SPAG16: variants seen among roughly 807,000 people sequenced by gnomAD.
SPAG16 encodes the protein sperm-associated antigen 16 protein.
In SPAG16, 86 loss-of-function variants were observed where a neutral mutation model predicts 80.4. The observed-to-expected ratio is 1.07, with a 90% CI of 0.90 to 1.28. SPAG16 has a LOEUF of 1.28. Among genes scored for constraint, SPAG16 ranks in the 50% most tolerant of loss-of-function variants. SPAG16 has a pLI of 0.00. For synonymous variants in SPAG16, 294 were observed against 265.9 expected (o/e 1.11, Z -1.03); for missense variants, 870 against 765.3 (o/e 1.14, Z -1.61).
At chr2:213,375,591 C>T (rs1210352121) in intron 9 of SPAG16, among the ~76,000 whole-genome samples, 1 of 151,784 alleles carries the variant, frequency 6.6e-6, no homozygotes, top group Non-Finnish European at 1.5e-5. Flanking sequence ...AAATCTTTGC[C>T]AGTGATTAAA....
chr2:213,286,097 C>A (rs1040812629), intron 1 of SPAG16, among the ~76,000 whole-genome samples: 1 of 152,162 alleles, frequency 6.6e-6, no homozygotes, highest in Non-Finnish European at 1.5e-5. Context: ...ACTTAATGTG[C>A]AGGGAGATCA....
At chr2:214,101,426 C>T (rs1340800222) in intron 13 of SPAG16, among the ~76,000 whole-genome samples, 3 of 151,936 alleles carry the variant, frequency 2.0e-5, no homozygotes, top group African/African-American at 7.3e-5. Context: ...TTTGTTTCTG[C>T]CAGAGGGAAA....
intron 6 of SPAG16, among the ~76,000 whole-genome samples, chr2:213,344,483 C>G (rs2064862402): frequency 6.6e-6 from 1 of 151,958 alleles, no homozygotes; most frequent in African/African-American, 2.4e-5. Context: ...CACCCATTAA[C>G]TCATCAGTTA....
intron 15 of SPAG16, among the ~76,000 whole-genome samples, chr2:214,339,671 A>G (rs1471951519): frequency 6.6e-6 from 1 of 152,198 alleles, no homozygotes; most frequent in African/African-American, 2.4e-5. Context: ...TTTCCTGCAA[A>G]ATAAACTTCT....
intron 10 of SPAG16, among the ~76,000 whole-genome samples, chr2:213,712,974 G>A (rs1364647579): frequency 6.6e-6 from 1 of 152,072 alleles, no homozygotes; most frequent in African/African-American, 2.4e-5. Context: ...GTTCCACGTG[G>A]TTGGGGAGGC....
intron 12 of SPAG16, among the ~76,000 whole-genome samples, chr2:213,956,930 G>T (rs1230916115): frequency 6.6e-6 from 1 of 151,986 alleles, no homozygotes; most frequent in Non-Finnish European, 1.5e-5. Flanking sequence ...AATTTCCAAT[G>T]ATTTCTAAAT....
intron 10 of SPAG16, among the ~76,000 whole-genome samples, chr2:213,513,865 C>T (rs1335249047): frequency 6.6e-6 from 1 of 152,122 alleles, no homozygotes; most frequent in Non-Finnish European, 1.5e-5. Flanking sequence ...CCATTTGCAG[C>T]AGCAAATGTT....
chr2:213,885,141 CT>C (rs1559552071), intron 11 of SPAG16, among the ~76,000 whole-genome samples: 1 of 152,102 alleles, frequency 6.6e-6, no homozygotes, highest in African/African-American at 2.4e-5. Flanking sequence ...GGTTTCATTT[CT>C]GGATGTTTTT....
chr2:214,040,982 A>G (rs1434906247), intron 13 of SPAG16, among the ~76,000 whole-genome samples: 4 of 151,946 alleles, frequency 2.6e-5, no homozygotes, highest in African/African-American at 9.7e-5. Context: ...AGTAAATTGG[A>G]TCTTCTTTGC....
intron 10 of SPAG16, among the ~76,000 whole-genome samples, chr2:213,506,524 A>G (rs1465631845): frequency 6.6e-6 from 1 of 152,120 alleles, no homozygotes; most frequent in African/African-American, 2.4e-5. Flanking sequence ...TCATTTATGG[A>G]CCACTTTAAC....
At chr2:213,385,269 T>C (rs1365203254) in intron 9 of SPAG16, among the ~76,000 whole-genome samples, 1 of 152,200 alleles carries the variant, frequency 6.6e-6, no homozygotes, top group African/African-American at 2.4e-5. Flanking sequence ...GTTCACTTAG[T>C]TTGGTAATCA....
At chr2:213,956,089 T>C (rs1279998624) in intron 12 of SPAG16, among the ~76,000 whole-genome samples, 10 of 151,088 alleles carry the variant, frequency 6.6e-5, no homozygotes, top group African/African-American at 1.7e-4. Context: ...TCCTGAGTAG[T>C]TGGGATTACG....
intron 13 of SPAG16, among the ~76,000 whole-genome samples, chr2:214,059,204 ATATATATATATG>A (rs2050111376): frequency 1.2e-5 from 1 of 85,520 alleles, no homozygotes; most frequent in Non-Finnish European, 2.3e-5. Context: ...ATATATATAT[ATATATATATATG>A]TATGTGTATA....
chr2:213,297,724 A>G lies in SPAG16; in HGVS notation c.279+367A>G, dbSNP rs990455432. On this transcript the variant is annotated intron_variant, in intron 3 of 15. Transcript: ENST00000331683. ...AACATTTTGTGTTTTTTTACATGAA[A>G]GTATTAATCTTACAGGGAATGCTTA... 2.6e-5 allele frequency among the ~76,000 whole-genome samples: 4 copies of G among 152,256 alleles called. No individual in the cohort carries two copies. In the South Asian group the frequency reaches 6.2e-4, roughly 24 times the overall value.
intron 10 of SPAG16, among the ~76,000 whole-genome samples, chr2:213,660,504 G>C (rs2063383549): frequency 6.6e-6 from 1 of 152,162 alleles, no homozygotes; most frequent in Non-Finnish European, 1.5e-5. Flanking sequence ...TAATGTAAAA[G>C]AGTCTTGGAA....
At position 213,751,224 on chromosome 2, in the gene SPAG16, AG is replaced by A. The variant is rs1222771766; in HGVS notation, c.1071-111258del. 2.6e-5 allele frequency among the ~76,000 whole-genome samples: 4 copies of A among 151,880 alleles called. No homozygotes were observed. The East Asian group carries it at 7.7e-4, about 29-fold the overall frequency. On this transcript the variant is annotated intron_variant, in intron 10 of 15. Coordinates refer to ENST00000331683, the MANE Select transcript of SPAG16 (RefSeq NM_024532.5). ...AGTTGCTGCCTCTACATTTATTTTT[AG>A]GGCTGACATAGTTATTTAAAACCTG... is the stretch of plus-strand genomic sequence containing the variant.
intron 11 of SPAG16, among the ~76,000 whole-genome samples, chr2:213,863,813 C>CT (rs1406316566): frequency 6.6e-6 from 1 of 152,090 alleles, no homozygotes; most frequent in East Asian, 1.9e-4. Flanking sequence ...AGCAATGGTC[C>CT]TTTTAATAGA....
chr2:213,422,214 C>T, intron 9 of SPAG16: 1 of 701,600 alleles, frequency 1.4e-6, no homozygotes. Flanking sequence ...TGCTGTGACA[C>T]CCTCTTTGGG....
At chr2:214,106,666 T>C (rs1249133262) in intron 13 of SPAG16, among the ~76,000 whole-genome samples, 1 of 139,520 alleles carries the variant, frequency 7.2e-6, no homozygotes, top group African/African-American at 2.5e-5. Context: ...GGCATCATGA[T>C]GATCTACCTT....
Sources: allele counts gnomAD v4.1 joint callset (sites outside exome capture counted in the v4.1 genomes callset), GRCh38; gene constraint gnomAD v4.1.1; transcripts MANE v1.5; gene names NCBI Gene and HGNC (gene_info 2026-07-23, HGNC 2026-07-21).